The following BARD1 variants were observed in gnomAD, a reference collection of about 807,000 sequenced individuals.
BARD1 encodes the protein BRCA1-associated RING domain protein 1.
In BARD1, 73 loss-of-function variants were observed where a neutral mutation model predicts 77.0. The observed-to-expected ratio is 0.95, with a 90% CI of 0.79 to 1.15. The LOEUF is 1.15. BARD1 is among the 50% of genes most tolerant of loss of function. The pLI is 0.00. For missense variants in BARD1, 993 were observed against 938.8 expected, an observed-to-expected ratio of 1.06 and a Z score of -0.75; for synonymous variants, 384 against 338.0, an observed-to-expected ratio of 1.14 and a Z score of -1.49.
At chr2:214,803,894 G>A (rs1277064188) in intron 1 of BARD1, among the ~76,000 whole-genome samples, 4 of 152,148 alleles carry the variant, frequency 2.6e-5, no homozygotes, top group Non-Finnish European at 5.9e-5. Flanking sequence ...GAATTAAGTA[G>A]TGAGAACAAT....
At chr2:214,782,915 G>A (rs1204565249) in intron 3 of BARD1, among the ~76,000 whole-genome samples, 1 of 152,196 alleles carries the variant, frequency 6.6e-6, no homozygotes, top group African/African-American at 2.4e-5. Context: ...GCTCTGACAA[G>A]TGTTACAGTA....
intron 7 of BARD1, among the ~76,000 whole-genome samples, chr2:214,750,744 T>C (rs879877300): frequency 9.9e-5 from 15 of 152,136 alleles, no homozygotes; most frequent in Non-Finnish European, 8.8e-5. Context: ...GGAAAGACTT[T>C]AGTGTCTCTT....
chr2:214,741,181 C>T (rs1574728374), intron 9 of BARD1, among the ~76,000 whole-genome samples: 2 of 152,080 alleles, frequency 1.3e-5, no homozygotes, highest in African/African-American at 4.8e-5. Flanking sequence ...ATGTCTGGCA[C>T]ATTCCTTCAG....
intron 6 of BARD1, among the ~76,000 whole-genome samples, chr2:214,760,355 G>A (rs1693897548): frequency 6.6e-6 from 1 of 152,098 alleles, no homozygotes; most frequent in Non-Finnish European, 1.5e-5. Flanking sequence ...GCCACACCCG[G>A]CTAATTTTTG....
chr2:214,745,964 T>G, intron 7 of BARD1, 110 bp from the exon 8 acceptor site: 1 of 1,290,942 alleles, frequency 7.7e-7, no homozygotes. Context: ...TAGTTTACTC[T>G]AATAATTTTC....
At chr2:214,755,525 A>G (rs1314573658) in intron 6 of BARD1, among the ~76,000 whole-genome samples, 1 of 152,206 alleles carries the variant, frequency 6.6e-6, no homozygotes, top group East Asian at 1.9e-4. Context: ...CAGGTATCAA[A>G]CTGATAAAGT....
At chr2:214,741,556 C>T (rs1692829204) in intron 9 of BARD1, among the ~76,000 whole-genome samples, 1 of 152,078 alleles carries the variant, frequency 6.6e-6, no homozygotes, top group African/African-American at 2.4e-5. Flanking sequence ...ATGCCAAAAT[C>T]AACCTTGTAT....
At chr2:214,802,210 A>T (rs1468592660) in intron 1 of BARD1, among the ~76,000 whole-genome samples, 3 of 152,214 alleles carry the variant, frequency 2.0e-5, no homozygotes, top group Admixed American at 2.0e-4. Context: ...AGCAATATGC[A>T]GTACAATGCT....
chr2:214,801,492 A>T (rs558853800), intron 1 of BARD1, among the ~76,000 whole-genome samples: 1 of 152,314 alleles, frequency 6.6e-6, no homozygotes, highest in African/African-American at 2.4e-5. Context: ...AAAAAAATTT[A>T]CTATTAAAAA....
At position 214,745,850 on chromosome 2, in the gene BARD1, T is replaced by C. The variant is rs1165939780; in HGVS notation, c.1682A>G (p.Asn561Ser). Residue 561 changes from asparagine (N) to serine (S), a missense_variant, in exon 8 of 11, where the codon AAC becomes AGC. Physicochemically the swap from Asn to Ser is conservative, Grantham distance 46 (BLOSUM62 1). Coordinates refer to ENST00000260947, the MANE Select transcript of BARD1 (RefSeq NM_000465.4). ...SSSASHCSVM[N>S]TGQRRDGPLV... Reference sequence around the variant, plus strand: ...AGGTCCATCCCTACGCTGCCCAGTGTTCATCTGTTAATATAAAAGGAGATA... The same window carrying C: ...AGGTCCATCCCTACGCTGCCCAGTGCTCATCTGTTAATATAAAAGGAGATA... 1 of 1,613,986 alleles carries C rather than the reference T, an allele frequency of 6.2e-7. No homozygotes were observed. The highest frequency in any genetic ancestry group is 1.3e-5 in the African/African-American group (1 of 75,024).
rs769529578 is a variant in BARD1 at position 214,767,527 on chromosome 2, T to C, written c.1523A>G (p.Asp508Gly). 1 of 1,613,934 alleles carries C rather than the reference T, an allele frequency of 6.2e-7. No homozygotes were observed. Among genetic ancestry groups the C allele is most frequent in the African/African-American group, 1.3e-5 (1 of 74,922 alleles). ...ATAGGAAAGTAACAGCTTGACTATA[T>C]CCACATGCCCATTCTTGGCTGCATC... ...LHDAAKNGHV[D>G]IVKLLLSYGA... is the part of the protein sequence containing the mutation. The change falls in exon 6 of 11, where the codon GAT (aspartate) becomes GGT (glycine). Residue 508 changes from aspartate to glycine, a missense_variant. Coordinates refer to ENST00000260947, the MANE Select transcript of BARD1 (RefSeq NM_000465.4).
chr2:214,798,139 A>C (rs1695841084), intron 1 of BARD1, among the ~76,000 whole-genome samples: 1 of 152,182 alleles, frequency 6.6e-6, no homozygotes, highest in South Asian at 2.1e-4. Context: ...CATTTCTTGA[A>C]AGATTGAAAG....
chr2:214,795,005 C>A (rs1392792385), intron 2 of BARD1, among the ~76,000 whole-genome samples: 1 of 152,140 alleles, frequency 6.6e-6, no homozygotes, highest in Non-Finnish European at 1.5e-5. Context: ...GGATCCCCCA[C>A]CCCACCACAC....
At chr2:214,769,369 T>C (rs964053037) in intron 4 of BARD1, 57 bp from the exon 5 acceptor site, 2 of 1,392,864 alleles carry the variant, frequency 1.4e-6, no homozygotes, top group Admixed American at 1.7e-5. Context: ...AGGAAAATAT[T>C]GAGCTTTTTT....
At chr2:214,730,609 T>G (rs1692314399) in intron 9 of BARD1, 101 bp from the exon 10 acceptor site, 3 of 939,096 alleles carry the variant, frequency 3.2e-6, no homozygotes, top group Middle Eastern at 2.1e-4. Context: ...TTCTTCTTCA[T>G]GGCAGTTTTT....
At chr2:214,781,534 T>C in intron 3 of BARD1, 25 bp from the exon 4 acceptor site, 1 of 1,587,954 alleles carries the variant, frequency 6.3e-7, no homozygotes, top group Non-Finnish European at 8.6e-7. Context: ...GAAAAAGAAA[T>C]CTGTTACATG....
intron 2 of BARD1, among the ~76,000 whole-genome samples, chr2:214,796,170 C>G (rs578206271): frequency 7.6e-4 from 115 of 152,302 alleles, no homozygotes; most frequent in African/African-American, 2.7e-3. Flanking sequence ...GACACTTAAT[C>G]TCTCAACTGA....
At chr2:214,749,270 T>A (rs1336454407) in intron 7 of BARD1, among the ~76,000 whole-genome samples, 1 of 151,730 alleles carries the variant, frequency 6.6e-6, no homozygotes, top group Admixed American at 6.6e-5. Flanking sequence ...AGGCAGCCCA[T>A]GTGACTGAAA....
rs753785671 is a variant in BARD1 at position 214,780,559 on chromosome 2, C to T, written c.1314+1G>A. 1.9e-6 allele frequency: 3 copies of T among 1,612,916 alleles called. No homozygotes were observed. Among genetic ancestry groups the T allele is most frequent in the Non-Finnish European group, 1.7e-6 (2 of 1,179,034 alleles). Reference sequence around the variant, plus strand: ...ATGGTATTTCAGAGTAAGCATCCTACCTTAATAGAAGCAATATGGAGCAAA... The same window carrying T: ...ATGGTATTTCAGAGTAAGCATCCTATCTTAATAGAAGCAATATGGAGCAAA... On this transcript the variant is annotated splice_donor_variant, in intron 4 of 10. Coordinates refer to ENST00000260947, the MANE Select transcript of BARD1 (RefSeq NM_000465.4). LOFTEE classifies it high-confidence loss of function.
Sources: allele counts gnomAD v4.1 joint callset (sites outside exome capture counted in the v4.1 genomes callset), GRCh38; gene constraint gnomAD v4.1.1; transcripts MANE v1.5; gene names NCBI Gene and HGNC (gene_info 2026-07-23, HGNC 2026-07-21).